Variants in HTR7 observed in about 807,000 individuals in gnomAD.
HTR7 encodes 5-HT-7.
In HTR7, 16 loss-of-function variants were observed where a neutral mutation model predicts 34.0. That is an observed-to-expected ratio of 0.47 (90% confidence interval 0.32 to 0.71). The LOEUF (loss-of-function observed/expected upper bound fraction) is 0.71, where lower values mean the gene tolerates loss of function less well. Among genes scored for constraint, HTR7 ranks in the 30% least tolerant of loss-of-function variants. The pLI is 0.04. For missense variants in HTR7, 504 were observed against 625.5 expected (o/e 0.81, Z 2.07); for synonymous variants, 265 against 260.2 (o/e 1.02, Z -0.18).
At position 90,742,387 on chromosome 10, in the gene HTR7, C is replaced by T. The variant is rs946310677; in HGVS notation, c.*95G>A. 35 of 905,868 alleles carry T rather than the reference C, an allele frequency of 3.9e-5. No homozygotes were observed. The highest frequency in any genetic ancestry group is 5.8e-5 in the Non-Finnish European group (33 of 567,622). The allele number at this position is 905,868 out of a possible 1,614,324, so 56.1% of individuals were successfully genotyped here. The stretch of plus-strand genomic sequence containing the variant: ...ATGTTTTAGACATCCCAAGAAAGGA[C>T]AGAAGCTGCATTCCATTCTGCAGAC... On this transcript the variant is annotated 3_prime_UTR_variant, in exon 4 of 4. Transcript: ENST00000336152.
chr10:90,773,085 AG>A (rs1344627117), intron 1 of HTR7, among the ~76,000 whole-genome samples: 1 of 152,232 alleles, frequency 6.6e-6, no homozygotes, highest in East Asian at 1.9e-4. Context: ...TTCCAGTTGA[AG>A]AATAACTGAA....
intron 1 of HTR7, among the ~76,000 whole-genome samples, chr10:90,770,401 G>C (rs1198089485): frequency 6.6e-6 from 1 of 152,152 alleles, no homozygotes; most frequent in South Asian, 2.1e-4. Flanking sequence ...AGGAGGCATA[G>C]CCTGGGCTGC....
At chr10:90,836,518 T>C (rs976514361) in intron 1 of HTR7, among the ~76,000 whole-genome samples, 1 of 152,068 alleles carries the variant, frequency 6.6e-6, no homozygotes, top group Non-Finnish European at 1.5e-5. Context: ...AATTAAAATT[T>C]TTTTAAAATT....
At chr10:90,781,994 G>T (rs140548430) in intron 1 of HTR7, among the ~76,000 whole-genome samples, 2 of 152,174 alleles carry the variant, frequency 1.3e-5, no homozygotes, top group Non-Finnish European at 1.5e-5. Flanking sequence ...GCCTGGGTTG[G>T]ATCAGGCTGG....
chr10:90,780,227 T>C (rs1404833848), intron 1 of HTR7, among the ~76,000 whole-genome samples: 2 of 151,864 alleles, frequency 1.3e-5, no homozygotes, highest in Non-Finnish European at 2.9e-5. Flanking sequence ...CAAAAATACA[T>C]AAGTAAACAG....
At chr10:90,747,926 C>G (rs143489316) in intron 2 of HTR7, among the ~76,000 whole-genome samples, 80 of 152,346 alleles carry the variant, frequency 5.3e-4, no homozygotes, top group Middle Eastern at 3.4e-3. Flanking sequence ...ACACCTCTAA[C>G]TAGTATACTA....
intron 1 of HTR7, among the ~76,000 whole-genome samples, chr10:90,751,109 C>T (rs1216204917): frequency 6.6e-6 from 1 of 152,122 alleles, no homozygotes; most frequent in Non-Finnish European, 1.5e-5. Flanking sequence ...CTTCCGCCTC[C>T]CCTTTTCCTT....
intron 1 of HTR7, among the ~76,000 whole-genome samples, chr10:90,767,728 T>C (rs1038468462): frequency 6.6e-6 from 1 of 152,178 alleles, no homozygotes; most frequent in Non-Finnish European, 1.5e-5. Context: ...TTGGTTGGGC[T>C]GTAGGATGCT....
At chr10:90,795,918 T>C (rs1338006599) in intron 1 of HTR7, among the ~76,000 whole-genome samples, 1 of 152,138 alleles carries the variant, frequency 6.6e-6, no homozygotes, top group Non-Finnish European at 1.5e-5. Context: ...AGGGTTATTA[T>C]CAATAGAAAG....
chr10:90,833,737 G>A (rs886662110), intron 1 of HTR7, among the ~76,000 whole-genome samples: 2 of 152,012 alleles, frequency 1.3e-5, no homozygotes, highest in African/African-American at 2.4e-5. Context: ...AAGAGACACA[G>A]GAAATGATTT....
intron 1 of HTR7, among the ~76,000 whole-genome samples, chr10:90,847,380 A>C (rs1846426899): frequency 6.6e-6 from 1 of 152,202 alleles, no homozygotes; most frequent in South Asian, 2.1e-4. Context: ...GCTAAGTGTT[A>C]CTACACAAAA....
At position 90,857,681 on chromosome 10, in the gene HTR7, G is replaced by A. The variant is rs569440337; in HGVS notation, c.-10C>T. On this transcript the variant is annotated 5_prime_UTR_variant, in exon 1 of 4. In the 5' UTR this introduces an upstream ATG that the reference lacks. Transcript: ENST00000336152. The surrounding 1 kb of genome is among the most constrained non-coding windows in gnomAD (Gnocchi z 6.5). ...TGTTAACGTCCATCATCGCGCCGCC[G>A]TGTGCCGCTGCCCATGGAGCCGGCG... 5.6e-5 allele frequency: 85 copies of A among 1,528,968 alleles called. 1 individual carries two copies. In the South Asian group the frequency reaches 9.3e-4, roughly 17 times the overall value. The allele number at this position is 1,528,968 out of a possible 1,614,324, so 94.7% of individuals were successfully genotyped here. A position where few individuals can be genotyped will look rare whatever the true frequency, so the allele number is the denominator to read the frequency against.
intron 1 of HTR7, among the ~76,000 whole-genome samples, chr10:90,810,721 C>A (rs1394664099): frequency 1.3e-5 from 2 of 152,192 alleles, no homozygotes; most frequent in East Asian, 3.9e-4. Context: ...CCCAGCCTCT[C>A]TTCGCTTTCA....
intron 1 of HTR7, among the ~76,000 whole-genome samples, chr10:90,763,512 A>T (rs562508098): frequency 6.6e-6 from 1 of 152,260 alleles, no homozygotes; most frequent in Admixed American, 6.5e-5. Context: ...GGTTTGTTAC[A>T]TACGTATACA....
chr10:90,742,661 G>A (rs1202027547), intron 3 of HTR7, 133 bp from the exon 4 acceptor site: 1 of 592,062 alleles, frequency 1.7e-6, no homozygotes, highest in Non-Finnish European at 3.0e-6. Context: ...AAGGGATTAT[G>A]AGTATCCTTC....
At chr10:90,814,671 T>C (rs544024053) in intron 1 of HTR7, among the ~76,000 whole-genome samples, 3 of 152,226 alleles carry the variant, frequency 2.0e-5, no homozygotes, top group South Asian at 4.1e-4. Flanking sequence ...ATCAGGGTAG[T>C]AGAAGTCTTT....
Position 90,777,111 on chromosome 10 carries a change from T to C in HTR7, c.540-27517A>G, listed in dbSNP as rs549853060. ...CCAGGACAGGTATAGTCACTTACTC[T>C]ACAATACTGTCAACGACCCAAAGGA... On this transcript the variant is annotated intron_variant, in intron 1 of 3. Transcript: ENST00000336152. 2.2e-3 allele frequency among the ~76,000 whole-genome samples: 329 copies of C among 152,330 alleles called. 1 individual carries two copies. The highest frequency in any genetic ancestry group is 0.014 in the Middle Eastern group (4 of 294).
rs1247464139 is a variant in HTR7 at position 90,741,012 on chromosome 10, G to T, written c.*1470C>A. 1 of 152,506 alleles carries T rather than the reference G, an allele frequency of 6.6e-6. No homozygotes were observed. The highest frequency in any genetic ancestry group is 1.9e-4 in the East Asian group (1 of 5,174). The allele number at this position is 152,506 out of a possible 1,614,324, so 9.4% of individuals were successfully genotyped here. A position where few individuals can be genotyped will look rare whatever the true frequency, so the allele number is the denominator to read the frequency against. On this transcript the variant is annotated 3_prime_UTR_variant, in exon 4 of 4. Transcript: ENST00000336152. ...AATTTGTACAAGCTTTGTCTGAAAG[G>T]ACAGTGCCCTCCTCCCCTTTCAGGA...
At chr10:90,839,275 A>G (rs1279895972) in intron 1 of HTR7, among the ~76,000 whole-genome samples, 1 of 152,230 alleles carries the variant, frequency 6.6e-6, no homozygotes, top group Non-Finnish European at 1.5e-5. Context: ...AGACTTTTCA[A>G]TCCAAACATA....
Sources: allele counts gnomAD v4.1 joint callset (sites outside exome capture counted in the v4.1 genomes callset), GRCh38; gene constraint gnomAD v4.1.1; non-coding constraint Gnocchi (gnomAD v3.1); transcripts MANE v1.5; gene names NCBI Gene and HGNC (gene_info 2026-07-23, HGNC 2026-07-21).